The following COG5 variants were observed in gnomAD, a reference collection of about 807,000 sequenced individuals.
COG5 encodes the protein conserved oligomeric Golgi complex subunit 5.
A neutral mutation model predicts 110.4 loss-of-function variants in COG5; 86 were observed. The observed-to-expected ratio is 0.78, with a 90% CI of 0.65 to 0.93. The LOEUF is 0.93. Among genes scored for constraint, COG5 ranks in the 40% least tolerant of loss-of-function variants. COG5 has a pLI of 0.00. For synonymous variants in COG5, 360 were observed against 334.6 expected, an observed-to-expected ratio of 1.08 and a Z score of -0.83; for missense variants, 1,077 against 987.0, an observed-to-expected ratio of 1.09 and a Z score of -1.22.
At chr7:107,261,602 A>G (rs1803356708) in intron 14 of COG5, among the ~76,000 whole-genome samples, 1 of 152,134 alleles carries the variant, frequency 6.6e-6, no homozygotes, top group Admixed American at 6.5e-5. Flanking sequence ...TTGACCCTGC[A>G]ATACTTCTTG....
At chr7:107,390,683 C>T (rs547769128) in intron 7 of COG5, among the ~76,000 whole-genome samples, 21 of 150,790 alleles carry the variant, frequency 1.4e-4, no homozygotes, top group African/African-American at 4.9e-4. Flanking sequence ...GTTAGACCCC[C>T]GCTCCTGGGG....
intron 6 of COG5, among the ~76,000 whole-genome samples, chr7:107,495,307 G>C (rs780075189): frequency 2.0e-5 from 3 of 152,128 alleles, no homozygotes; most frequent in Non-Finnish European, 2.9e-5. Context: ...ACAGGTACAG[G>C]GAAAACCATA....
At chr7:107,548,758 T>C (rs1302018194) in intron 3 of COG5, among the ~76,000 whole-genome samples, 1 of 152,192 alleles carries the variant, frequency 6.6e-6, no homozygotes, top group East Asian at 1.9e-4. Flanking sequence ...TGATATCCCC[T>C]TTGCCCCATC....
At chr7:107,547,921 T>C (rs1459805608) in intron 5 of COG5, 190 bp downstream of exon 5, 10 of 608,046 alleles carry the variant, frequency 1.6e-5, no homozygotes, top group East Asian at 2.8e-5. Flanking sequence ...GCAATGACAG[T>C]GAAAAGAATT....
intron 12 of COG5, 80 bp downstream of exon 12, chr7:107,298,062 T>C: frequency 1.6e-6 from 1 of 632,352 alleles, no homozygotes. Context: ...ATTTATAATT[T>C]AAAATAAAAA....
At chr7:107,258,549 C>G (rs1385230466) in intron 14 of COG5, 166 bp from the exon 15 acceptor site, 1 of 639,446 alleles carries the variant, frequency 1.6e-6, no homozygotes, top group Non-Finnish European at 2.8e-6. Flanking sequence ...TTCAGGTCAA[C>G]TTAAAGCTTT....
intron 1 of COG5, among the ~76,000 whole-genome samples, chr7:107,560,200 A>G (rs1187477700): frequency 6.6e-6 from 1 of 152,188 alleles, no homozygotes; most frequent in Non-Finnish European, 1.5e-5. Flanking sequence ...TATTTACACC[A>G]TGGTAATCAG....
intron 17 of COG5, among the ~76,000 whole-genome samples, chr7:107,247,550 T>C (rs2116543089): frequency 6.6e-6 from 1 of 152,262 alleles, no homozygotes; most frequent in African/African-American, 2.4e-5. Context: ...AAATAATAAC[T>C]ATGAACTTGG....
chr7:107,538,381 T>TA (rs1801739697), intron 5 of COG5, among the ~76,000 whole-genome samples: 2 of 152,174 alleles, frequency 1.3e-5, no homozygotes, highest in East Asian at 3.9e-4. Flanking sequence ...AGCTCATCTA[T>TA]AAAACTCAAC....
chr7:107,385,810 T>TC (rs1790147548), intron 7 of COG5, among the ~76,000 whole-genome samples: 1 of 151,142 alleles, frequency 6.6e-6, no homozygotes, highest in African/African-American at 2.4e-5. Context: ...ATTTTCTTTT[T>TC]TTTTTTTTTT....
At chr7:107,365,796 T>C (rs1813562177) in intron 8 of COG5, among the ~76,000 whole-genome samples, 1 of 151,984 alleles carries the variant, frequency 6.6e-6, no homozygotes, top group South Asian at 2.1e-4. Context: ...CATACTAAGC[T>C]TCTGAATGAT....
Position 107,335,796 on chromosome 7 carries a change from G to A in COG5, c.1027-11275C>T, listed in dbSNP as rs78906922. On this transcript the variant is annotated intron_variant, in intron 10 of 21. Transcript: ENST00000297135. ...TGCAAAAAGATATTCTATGCAACTG[G>A]AAACCAAAAAGAGCAGGAAAAACTA... is the stretch of plus-strand genomic sequence containing the variant. Among the ~76,000 whole-genome samples the A allele has an allele frequency of 2.0e-5, 3 of 152,172 alleles. No homozygotes were observed. The South Asian group carries it at 6.2e-4, about 32-fold the overall frequency.
At chr7:107,395,401 A>G (rs1423783503) in intron 7 of COG5, among the ~76,000 whole-genome samples, 1 of 152,158 alleles carries the variant, frequency 6.6e-6, no homozygotes, top group East Asian at 1.9e-4. Context: ...ATAGTCAGAA[A>G]GATGCAAAGT....
At chr7:107,400,653 G>T (rs1563011730) in intron 7 of COG5, among the ~76,000 whole-genome samples, 1 of 152,100 alleles carries the variant, frequency 6.6e-6, no homozygotes, top group South Asian at 2.1e-4. Flanking sequence ...TGCATTCAGT[G>T]AACTGGAAAA....
intron 6 of COG5, among the ~76,000 whole-genome samples, chr7:107,501,730 A>G (rs909994888): frequency 2.0e-5 from 3 of 152,150 alleles, no homozygotes; most frequent in African/African-American, 4.8e-5. Flanking sequence ...ATACAAACAC[A>G]TATCTAAGCA....
At chr7:107,488,720 G>A (rs545871423) in intron 6 of COG5, among the ~76,000 whole-genome samples, 45 of 151,980 alleles carry the variant, frequency 3.0e-4, no homozygotes, top group Admixed American at 2.2e-3. Flanking sequence ...GGTAGTGCAC[G>A]CCTGTAGTAC....
intron 7 of COG5, among the ~76,000 whole-genome samples, chr7:107,401,641 G>C (rs897611715): frequency 6.6e-6 from 1 of 152,134 alleles, no homozygotes; most frequent in Middle Eastern, 3.2e-3. Flanking sequence ...TTGAACAAGA[G>C]GGGAAAAATT....
chr7:107,413,925 C>G (rs1792502034), intron 6 of COG5, among the ~76,000 whole-genome samples: 1 of 152,176 alleles, frequency 6.6e-6, no homozygotes, highest in Non-Finnish European at 1.5e-5. Context: ...GTAATCTGAA[C>G]AAATTCACTT....
chr7:107,448,795 T>C (rs981398161), intron 6 of COG5, among the ~76,000 whole-genome samples: 1 of 152,086 alleles, frequency 6.6e-6, no homozygotes, highest in Admixed American at 6.6e-5. Flanking sequence ...TTTTTGGAGA[T>C]CTGATGCAAC....
Sources: gnomAD v4.1 joint callset for allele counts (sites outside exome capture counted in the v4.1 genomes callset) on GRCh38, gnomAD v4.1.1 for gene constraint, MANE v1.5 for transcripts, NCBI Gene and HGNC (gene_info 2026-07-23, HGNC 2026-07-21) for gene names.